The following PROM1 variants were observed in gnomAD, a reference collection of about 807,000 sequenced individuals.
The protein encoded by PROM1 is prominin 1.
A neutral mutation model predicts 116.9 loss-of-function variants in PROM1; 105 were observed. The observed-to-expected ratio is 0.90, with a 90% CI of 0.77 to 1.06. The LOEUF is 1.06. PROM1 is among the 50% of genes least tolerant of loss of function. The pLI is 0.00. For synonymous variants in PROM1, 393 were observed against 387.0 expected, an observed-to-expected ratio of 1.02 and a Z score of -0.18; for missense variants, 1,122 against 1,045.2, an observed-to-expected ratio of 1.07 and a Z score of -1.01.
chr4:16,041,210 G>A (rs969827976), intron 2 of PROM1, among the ~76,000 whole-genome samples: 4 of 152,236 alleles, frequency 2.6e-5, no homozygotes, highest in African/African-American at 9.6e-5. Flanking sequence ...CAAGATGGCA[G>A]CTGATACTCA....
intron 2 of PROM1, among the ~76,000 whole-genome samples, chr4:16,057,946 GAGTCCTAT>G (rs1449826577): frequency 1.3e-5 from 2 of 152,164 alleles, no homozygotes; most frequent in Admixed American, 1.3e-4. Flanking sequence ...AGGTACAGCA[GAGTCCTAT>G]ACCTGTGGCG....
chr4:15,995,738 G>T (rs1722170641), intron 15 of PROM1, among the ~76,000 whole-genome samples: 1 of 152,046 alleles, frequency 6.6e-6, no homozygotes, highest in African/African-American at 2.4e-5. Flanking sequence ...ATCAGCTTAG[G>T]TGCCATTTCC....
At chr4:15,979,010 AGAAG>A (rs3839177) in intron 26 of PROM1, among the ~76,000 whole-genome samples, 110 of 148,440 alleles carry the variant, frequency 7.4e-4, no homozygotes, top group Middle Eastern at 3.5e-3. Flanking sequence ...AAGGAAGGAA[AGAAG>A]GAAGGAAGGA....
chr4:16,080,009 T>TAA (rs1483681120), intron 1 of PROM1: 1 of 2,840 alleles, frequency 3.5e-4, no homozygotes, highest in African/African-American at 6.2e-4. Flanking sequence ...GCCCTGTCTC[T>TAA]ACAAAAAAAA....
chr4:16,065,014 G>A (rs1463937774), intron 2 of PROM1, among the ~76,000 whole-genome samples: 2 of 152,222 alleles, frequency 1.3e-5, no homozygotes, highest in East Asian at 3.8e-4. Context: ...GCCACACTTT[G>A]CATAGGACTG....
intron 8 of PROM1, among the ~76,000 whole-genome samples, 168 bp from the exon 9 acceptor site, chr4:16,018,708 G>T (rs887316894): frequency 6.6e-6 from 1 of 152,160 alleles, no homozygotes; most frequent in Admixed American, 6.5e-5. Context: ...TCGCTAGGCT[G>T]CTCTAACAGC....
intron 10 of PROM1, among the ~76,000 whole-genome samples, chr4:16,015,097 G>A (rs181168288): frequency 1.6e-4 from 24 of 152,320 alleles, no homozygotes; most frequent in African/African-American, 4.8e-4. Context: ...TGTAATCCCA[G>A]CACTTTGGGA....
chr4:16,083,206 G>C (rs1430677408), intron 1 of PROM1: 1 of 152,260 alleles, frequency 6.6e-6, no homozygotes, highest in Admixed American at 6.5e-5. Flanking sequence ...CCGCAGACTC[G>C]TTCCCAAGAC....
At chr4:16,033,275 A>C (rs1240211496) in intron 5 of PROM1, 29 bp downstream of exon 5, 1 of 1,564,100 alleles carries the variant, frequency 6.4e-7, no homozygotes, top group East Asian at 2.3e-5. Flanking sequence ...CCTAAAACAC[A>C]ATCAGTTGTT....
At chr4:16,074,475 G>A (rs568437404) in intron 2 of PROM1, among the ~76,000 whole-genome samples, 2 of 152,200 alleles carry the variant, frequency 1.3e-5, no homozygotes, top group East Asian at 3.9e-4. Flanking sequence ...TGCATCCAAT[G>A]TTAAGAAATA....
At chr4:16,069,500 A>C (rs1742323775) in intron 2 of PROM1, among the ~76,000 whole-genome samples, 1 of 152,232 alleles carries the variant, frequency 6.6e-6, no homozygotes, top group South Asian at 2.1e-4. Context: ...GGTCATTTTA[A>C]AAGCATCATA....
chr4:16,000,112 A>T (rs181899313), intron 14 of PROM1, among the ~76,000 whole-genome samples: 3 of 152,168 alleles, frequency 2.0e-5, no homozygotes. Flanking sequence ...TCACCTGGGA[A>T]TCTCCCAGGG....
intron 18 of PROM1, 117 bp downstream of exon 18, chr4:15,991,105 T>G: frequency 1.3e-6 from 1 of 776,806 alleles, no homozygotes; most frequent in Non-Finnish European, 2.1e-6. Context: ...AGAGAGGTGT[T>G]TATGAACAAG....
At position 15,970,175 on chromosome 4, in the gene PROM1, T is replaced by C. The variant is rs201572431; in HGVS notation, c.*25-807A>G. ...AACACTTTCTTTTCTTTTCTTTTTTTTTTTTTTTGTGATGGAGTCTCACTC... is the reference window on the plus strand; with the variant it reads ...AACACTTTCTTTTCTTTTCTTTTTTCTTTTTTTTGTGATGGAGTCTCACTC... On this transcript the variant is annotated intron_variant, in intron 27 of 27. Coordinates refer to ENST00000447510, the MANE Select transcript of PROM1 (RefSeq NM_006017.3). 2.8e-3 allele frequency among the ~76,000 whole-genome samples: 416 copies of C among 151,236 alleles called. 11 individuals are homozygous for C. In the East Asian group the frequency reaches 0.055, roughly 20 times the overall value.
intron 15 of PROM1, among the ~76,000 whole-genome samples, chr4:15,996,454 G>A (rs940429245): frequency 1.3e-5 from 2 of 152,126 alleles, no homozygotes; most frequent in Non-Finnish European, 2.9e-5. Context: ...AGGTTGCAGT[G>A]AGCTGAGATG....
At chr4:16,019,926 A>T (rs183725296) in intron 8 of PROM1, among the ~76,000 whole-genome samples, 2 of 151,556 alleles carry the variant, frequency 1.3e-5, no homozygotes, top group African/African-American at 4.8e-5. Context: ...TGTTGAGTCT[A>T]GCCAAAAGTA....
At chr4:16,015,185 A>C (rs1277564233) in intron 10 of PROM1, among the ~76,000 whole-genome samples, 2 of 151,228 alleles carry the variant, frequency 1.3e-5, no homozygotes, top group Non-Finnish European at 2.9e-5. Context: ...ATCTCTACTA[A>C]AAATACAAAA....
At chr4:16,065,860 T>C (rs1321553100) in intron 2 of PROM1, among the ~76,000 whole-genome samples, 1 of 152,184 alleles carries the variant, frequency 6.6e-6, no homozygotes, top group Non-Finnish European at 1.5e-5. Flanking sequence ...TGACTTTACC[T>C]GGAAAAAAGT....
chr4:15,979,007 GA>G (rs911627403), intron 26 of PROM1, among the ~76,000 whole-genome samples: 1 of 131,776 alleles, frequency 7.6e-6, no homozygotes, highest in African/African-American at 3.2e-5. Flanking sequence ...AGGAAGGAAG[GA>G]AAGAAGGAAG....
Sources: allele counts gnomAD v4.1 joint callset (sites outside exome capture counted in the v4.1 genomes callset), GRCh38; gene constraint gnomAD v4.1.1; transcripts MANE v1.5; gene names NCBI Gene and HGNC (gene_info 2026-07-23, HGNC 2026-07-21).